Variants in SPAG16 observed in about 807,000 individuals in gnomAD.
The protein encoded by SPAG16 is sperm-associated antigen 16 protein.
Under a neutral mutation model 80.4 loss-of-function variants are expected in SPAG16, and 86 were observed. The ratio of observed to expected loss-of-function variants is 1.07; its 90% CI spans 0.90 to 1.28. The LOEUF is 1.28. Ranked by LOEUF, SPAG16 falls within the 50% of genes most tolerant of loss-of-function variation. SPAG16 has a pLI of 0.00. For synonymous variants in SPAG16, 294 were observed against 265.9 expected (o/e 1.11, Z -1.03); for missense variants, 870 against 765.3 (o/e 1.14, Z -1.61).
intron 10 of SPAG16, among the ~76,000 whole-genome samples, chr2:213,504,548 A>T (rs184708177): frequency 6.6e-6 from 1 of 152,182 alleles, no homozygotes; most frequent in Non-Finnish European, 1.5e-5. Context: ...ACAAAAATAT[A>T]TTAGAAGATA....
chr2:213,588,022 A>G (rs17702023), intron 10 of SPAG16, among the ~76,000 whole-genome samples: 11,266 of 152,270 alleles, frequency 0.074, 572 homozygotes, highest in Non-Finnish European at 0.1. Context: ...ATAAACTCAT[A>G]CTATTTCACT....
intron 13 of SPAG16, among the ~76,000 whole-genome samples, chr2:214,019,417 TCAGA>T (rs2047746551): frequency 6.6e-6 from 1 of 152,042 alleles, no homozygotes; most frequent in African/African-American, 2.4e-5. Flanking sequence ...TTGCCATGAG[TCAGA>T]CACAGAGGGT....
At chr2:213,889,727 A>G (rs1321860383) in intron 11 of SPAG16, among the ~76,000 whole-genome samples, 1 of 149,170 alleles carries the variant, frequency 6.7e-6, no homozygotes, top group African/African-American at 2.5e-5. Flanking sequence ...GCATATATAT[A>G]TACATATATA....
At chr2:214,065,318 G>T (rs535153150) in intron 13 of SPAG16, among the ~76,000 whole-genome samples, 17 of 152,034 alleles carry the variant, frequency 1.1e-4, no homozygotes, top group Admixed American at 6.6e-5. Context: ...ACCTCAAATC[G>T]ATTATAAATC....
At chr2:213,333,589 C>T (rs1296323039) in intron 5 of SPAG16, among the ~76,000 whole-genome samples, 2 of 152,112 alleles carry the variant, frequency 1.3e-5, no homozygotes, top group Non-Finnish European at 2.9e-5. Context: ...ATCACATTAC[C>T]TGACTTCAAA....
chr2:213,958,634 A>C (rs72950766), intron 12 of SPAG16, among the ~76,000 whole-genome samples: 22,347 of 152,214 alleles, frequency 0.15, 2,024 homozygotes, highest in Non-Finnish European at 0.2. Flanking sequence ...ATAATGTGCC[A>C]AAAACATAAA....
intron 12 of SPAG16, among the ~76,000 whole-genome samples, chr2:213,953,190 C>T (rs540932029): frequency 9.2e-5 from 14 of 151,684 alleles, no homozygotes; most frequent in African/African-American, 3.1e-4. Context: ...TTTTAATCCC[C>T]CAAAACTTAG....
chr2:213,377,897 ATATATATTTTT>A (rs539980926), intron 9 of SPAG16, among the ~76,000 whole-genome samples: 41,611 of 88,740 alleles, frequency 0.47, 7,102 homozygotes, highest in East Asian at 0.71. Flanking sequence ...ATATATATAT[ATATATATTTTT>A]TTTTTTTTTT....
chr2:213,996,948 T>C (rs897402077), intron 12 of SPAG16, among the ~76,000 whole-genome samples: 1 of 152,208 alleles, frequency 6.6e-6, no homozygotes, highest in Non-Finnish European at 1.5e-5. Context: ...TTTTTTCTTA[T>C]ATGTTATATT....
chr2:214,286,756 CAAAT>C (rs1244094638), intron 15 of SPAG16, among the ~76,000 whole-genome samples: 4 of 146,502 alleles, frequency 2.7e-5, no homozygotes, highest in African/African-American at 1.1e-4. Flanking sequence ...CAAAAATAAA[CAAAT>C]AAATAAATAA....
intron 12 of SPAG16, among the ~76,000 whole-genome samples, chr2:214,009,149 C>T (rs1236097126): frequency 6.6e-6 from 1 of 152,038 alleles, no homozygotes; most frequent in Non-Finnish European, 1.5e-5. Context: ...ATGAAAATGC[C>T]ATCTAGACGT....
At chr2:213,681,370 G>A (rs1447542924) in intron 10 of SPAG16, among the ~76,000 whole-genome samples, 1 of 152,270 alleles carries the variant, frequency 6.6e-6, no homozygotes, top group African/African-American at 2.4e-5. Flanking sequence ...AGACCACTTA[G>A]GTAGGAATTT....
intron 10 of SPAG16, among the ~76,000 whole-genome samples, chr2:213,792,745 A>C (rs1375091352): frequency 1.3e-5 from 2 of 150,106 alleles, no homozygotes; most frequent in Non-Finnish European, 3.0e-5. Flanking sequence ...CACTGTGCCC[A>C]GCCGAAAATG....
At chr2:213,626,391 T>G (rs962270163) in intron 10 of SPAG16, among the ~76,000 whole-genome samples, 1 of 151,854 alleles carries the variant, frequency 6.6e-6, no homozygotes, top group African/African-American at 2.4e-5. Context: ...ATAGCTGCAG[T>G]AAAGGCAGTA....
intron 10 of SPAG16, among the ~76,000 whole-genome samples, chr2:213,755,880 G>A (rs971371867): frequency 3.9e-5 from 6 of 152,142 alleles, no homozygotes; most frequent in Non-Finnish European, 8.8e-5. Context: ...AGACATATAT[G>A]ATAAAATATT....
intron 10 of SPAG16, among the ~76,000 whole-genome samples, chr2:213,769,274 CA>C (rs1240591354): frequency 6.6e-6 from 1 of 152,122 alleles, no homozygotes; most frequent in Non-Finnish European, 1.5e-5. Flanking sequence ...TTTTATATAT[CA>C]GTGAGTTGTA....
intron 14 of SPAG16, 36 bp downstream of exon 14, chr2:214,108,297 C>T (rs1478656056): frequency 2.0e-6 from 3 of 1,483,020 alleles, no homozygotes; most frequent in Non-Finnish European, 2.8e-6. Context: ...GTTTTTAATG[C>T]TTCATATATA....
At chr2:214,310,138 C>T (rs931868451) in intron 15 of SPAG16, among the ~76,000 whole-genome samples, 1 of 150,338 alleles carries the variant, frequency 6.7e-6, no homozygotes, top group African/African-American at 2.4e-5. Flanking sequence ...TCCTTCTCTT[C>T]TAAAGAAACC....
intron 15 of SPAG16, among the ~76,000 whole-genome samples, chr2:214,245,327 C>T (rs113589792): frequency 2.6e-5 from 4 of 152,112 alleles, no homozygotes; most frequent in African/African-American, 4.8e-5. Context: ...CCATCTCTTT[C>T]CCCTAGTCCC....
Sources: allele counts gnomAD v4.1 joint callset (sites outside exome capture counted in the v4.1 genomes callset), GRCh38; gene constraint gnomAD v4.1.1; transcripts MANE v1.5; gene names NCBI Gene and HGNC (gene_info 2026-07-23, HGNC 2026-07-21).